The following TBC1D16 variants were observed in gnomAD, a reference collection of about 807,000 sequenced individuals.
The protein encoded by TBC1D16 is CTD-2529O21.1.
Under a neutral mutation model 74.7 loss-of-function variants are expected in TBC1D16, and 58 were observed. The observed-to-expected ratio is 0.78, with a 90% CI of 0.63 to 0.97. The LOEUF (loss-of-function observed/expected upper bound fraction) is 0.97. Ranked by LOEUF, TBC1D16 falls within the 50% of genes least tolerant of loss-of-function variation. The pLI, the probability that TBC1D16 is intolerant of heterozygous loss-of-function variation, is 0.00. For synonymous variants in TBC1D16, 493 were observed against 474.7 expected, an observed-to-expected ratio of 1.04 and a Z score of -0.50; for missense variants, 1,014 against 1,079.5, an observed-to-expected ratio of 0.94 and a Z score of 0.85.
chr17:79,940,649 C>T lies in TBC1D16; in HGVS notation c.*210G>A, dbSNP rs577210601. The T allele has an allele frequency of 7.4e-6, 4 of 542,122 alleles. No individual in the cohort carries two copies. In the East Asian group the frequency reaches 1.0e-4, roughly 14 times the overall value. 33.6% of individuals were successfully genotyped at this position (542,122 alleles called of 1,614,324 possible). On this transcript the variant is annotated 3_prime_UTR_variant, in exon 12 of 12. Transcript: ENST00000310924. This position sits in a 1 kb window ranked among gnomAD's most constrained non-coding sequence, Gnocchi z 5.4. Reference sequence around the variant, plus strand: ...TCCACTGCAGCGTTTCAGGAGCTGACTTTCCTCTGGGTGGCTGTAGATCTG... The same window carrying T: ...TCCACTGCAGCGTTTCAGGAGCTGATTTTCCTCTGGGTGGCTGTAGATCTG...
intron 3 of TBC1D16, among the ~76,000 whole-genome samples, chr17:79,963,050 C>CA (rs563226514): frequency 0.3 from 35,658 of 120,070 alleles, 4,743 homozygotes; most frequent in Non-Finnish European, 0.35. Flanking sequence ...AACTCCATCT[C>CA]AAAAAAAAAA....
In TBC1D16 at chr17:79,938,000, T is replaced by C. The variant is rs2031728969; in HGVS notation, c.*2859A>G. 1 of 152,232 alleles carries C rather than the reference T, an allele frequency of 6.6e-6. No individual in the cohort carries two copies. The highest frequency in any genetic ancestry group is 2.4e-5 in the African/African-American group (1 of 41,464). The allele number at this position is 152,232 out of a possible 1,614,324, so 9.4% of individuals were successfully genotyped here. ...TAAAAAATGGGTTAAATAAGCAGCA[T>C]TGCTGAGGATGGCCGTGCAGGGCTG... On this transcript the variant is annotated 3_prime_UTR_variant, in exon 12 of 12. Transcript: ENST00000310924.
At position 79,979,212 on chromosome 17, in the gene TBC1D16, C is replaced by A. The variant is rs897882100; in HGVS notation, c.780-26394G>T. On this transcript the variant is annotated intron_variant, in intron 3 of 11. Coordinates refer to ENST00000310924, the MANE Select transcript of TBC1D16 (RefSeq NM_019020.4). This position sits in a 1 kb window ranked among gnomAD's most constrained non-coding sequence, Gnocchi z 4.8. ...TGGGCAGGGAAGGCCAGAGCACACA[C>A]GCTCCGGGGACGCACACCCACGCCT... Among the ~76,000 whole-genome samples, 1 of 152,054 alleles carries A rather than the reference C, an allele frequency of 6.6e-6. No homozygotes were observed. The highest frequency in any genetic ancestry group is 1.5e-5 in the Non-Finnish European group (1 of 68,010).
At chr17:80,005,603 C>T (rs1229350385) in intron 3 of TBC1D16, among the ~76,000 whole-genome samples, 3 of 152,194 alleles carry the variant, frequency 2.0e-5, no homozygotes, top group East Asian at 1.9e-4. Flanking sequence ...GGAGGCAGGA[C>T]GACGCATTGG....
chr17:79,983,496 A>G lies in TBC1D16; in HGVS notation c.779+26664T>C, dbSNP rs1256950943. Among the ~76,000 whole-genome samples the G allele has an allele frequency of 6.6e-6, 1 of 152,238 alleles. No homozygotes were observed. The highest frequency in any genetic ancestry group is 2.4e-5 in the African/African-American group (1 of 41,462). The stretch of plus-strand genomic sequence containing the variant: ...CAACCTGGGGAACAGCCATGGAGAC[A>G]GTGTCCCCCTATTGGAGTGAGCACC... On this transcript the variant is annotated intron_variant, in intron 3 of 11. Transcript: ENST00000310924. The surrounding 1 kb of genome is among the most constrained non-coding windows in gnomAD (Gnocchi z 5.6).
Position 79,960,779 on chromosome 17 carries a change from C to CAAAAAAAAAAA in TBC1D16, c.780-7972_780-7962dup, listed in dbSNP as rs746450905. Among the ~76,000 whole-genome samples, 102 of 33,942 alleles carry CAAAAAAAAAAA rather than the reference C, an allele frequency of 3.0e-3. 32 individuals carry two copies. Among genetic ancestry groups the CAAAAAAAAAAA allele is most frequent in the African/African-American group, 4.5e-3 (43 of 9,548 alleles). The allele number at this position is 33,942 out of a possible 152,430, so 22.3% of individuals were successfully genotyped here. ...CAAAAAAACCCAAAAAACAAAAACC[C>CAAAAAAAAAAA]AAAAAAAAAAAAAAAAAAAAAAAAA... On this transcript the variant is annotated intron_variant, in intron 3 of 11. Transcript: ENST00000310924.
At chr17:79,972,041 C>T (rs2034131428) in intron 3 of TBC1D16, among the ~76,000 whole-genome samples, 1 of 152,184 alleles carries the variant, frequency 6.6e-6, no homozygotes, top group Non-Finnish European at 1.5e-5. Context: ...TATGTGTACC[C>T]CGTGTTCACA....
At chr17:79,968,291 C>A (rs1015484621) in intron 3 of TBC1D16, among the ~76,000 whole-genome samples, 1 of 152,250 alleles carries the variant, frequency 6.6e-6, no homozygotes, top group East Asian at 1.9e-4. Context: ...GAGGCATGAG[C>A]CGCTGCACCC....
chr17:80,021,599 T>C (rs995516774), intron 1 of TBC1D16, among the ~76,000 whole-genome samples: 1 of 148,152 alleles, frequency 6.7e-6, no homozygotes, highest in Non-Finnish European at 1.5e-5. Context: ...ACTCTTTATA[T>C]AGTAAAGATC....
intron 1 of TBC1D16, among the ~76,000 whole-genome samples, chr17:80,015,446 T>A (rs949396410): frequency 1.3e-5 from 2 of 150,302 alleles, no homozygotes; most frequent in African/African-American, 4.9e-5. Context: ...AAAAATAAAA[T>A]AAATAAAAAA....
Position 79,979,217 on chromosome 17 carries a change from C to T in TBC1D16, c.780-26399G>A, listed in dbSNP as rs1301678203. ...AGGGAAGGCCAGAGCACACACGCTC[C>T]GGGGACGCACACCCACGCCTAGAGC... On this transcript the variant is annotated intron_variant, in intron 3 of 11. Coordinates refer to ENST00000310924, the MANE Select transcript of TBC1D16 (RefSeq NM_019020.4). This position sits in a 1 kb window ranked among gnomAD's most constrained non-coding sequence, Gnocchi z 4.8. Among the ~76,000 whole-genome samples the T allele has an allele frequency of 6.6e-6, 1 of 151,896 alleles. No individual in the cohort carries two copies. Among genetic ancestry groups the T allele is most frequent in the Non-Finnish European group, 1.5e-5 (1 of 67,976 alleles).
chr17:80,001,841 C>T lies in TBC1D16; in HGVS notation c.779+8319G>A, dbSNP rs1316230387. 6.6e-6 allele frequency among the ~76,000 whole-genome samples: 1 copy of T among 151,722 alleles called. No individual in the cohort carries two copies. The highest frequency in any genetic ancestry group is 6.6e-5 in the Admixed American group (1 of 15,250). On this transcript the variant is annotated intron_variant, in intron 3 of 11. Coordinates refer to ENST00000310924, the MANE Select transcript of TBC1D16 (RefSeq NM_019020.4). The surrounding 1 kb of genome is among the most constrained non-coding windows in gnomAD (Gnocchi z 5.8). Reference sequence around the variant, plus strand: ...CCCTGGACCCTCTCACATGCCCTTCCCTCCACCCCCCGCCTCCTGCTCCCT... The same window carrying T: ...CCCTGGACCCTCTCACATGCCCTTCTCTCCACCCCCCGCCTCCTGCTCCCT...
Position 79,936,911 on chromosome 17 carries a change from T to C in TBC1D16, c.*3948A>G, listed in dbSNP as rs7502928. 8,818 of 93,302 alleles carry C rather than the reference T, an allele frequency of 0.095. 344 individuals are homozygous for C. Among genetic ancestry groups the C allele is most frequent in the South Asian group, 0.21 (607 of 2,890 alleles). 5.8% of individuals were successfully genotyped at this position (93,302 alleles called of 1,614,324 possible). A position where few individuals can be genotyped will look rare whatever the true frequency, so the allele number is the denominator to read the frequency against. ...GCATGCGTGCGTGTGTGCATGTGCG[T>C]GTGTGTGTGTGTGTGTGTGTGTGTG... On this transcript the variant is annotated 3_prime_UTR_variant, in exon 12 of 12. Transcript: ENST00000310924.
rs1477651839 is a variant in TBC1D16 at position 79,933,211 on chromosome 17, T to A, written c.*7648A>T. 1 of 151,944 alleles carries A rather than the reference T, an allele frequency of 6.6e-6. No homozygotes were observed. Among genetic ancestry groups the A allele is most frequent in the African/African-American group, 2.4e-5 (1 of 41,312 alleles). 9.4% of individuals were successfully genotyped at this position (151,944 alleles called of 1,614,324 possible). A position where few individuals can be genotyped will look rare whatever the true frequency, so the allele number is the denominator to read the frequency against. ...ATGGAAGTGGCCACAGGTCTGGACT[T>A]CTCTGGGTGGATGTGAGGGAGGGTG... On this transcript the variant is annotated 3_prime_UTR_variant, in exon 12 of 12. Transcript: ENST00000310924.
At chr17:80,002,915 G>A (rs1415621377) in intron 3 of TBC1D16, among the ~76,000 whole-genome samples, 1 of 152,130 alleles carries the variant, frequency 6.6e-6, no homozygotes, top group Non-Finnish European at 1.5e-5. Context: ...GCGCACGTAG[G>A]GAACACCACG....
At chr17:79,953,305 T>C (rs2033172552) in intron 3 of TBC1D16, among the ~76,000 whole-genome samples, 1 of 152,238 alleles carries the variant, frequency 6.6e-6, no homozygotes, top group African/African-American at 2.4e-5. Context: ...ACTGTATTCC[T>C]GAAAAGTACT....
chr17:79,984,582 A>AAG (rs2034741278), intron 3 of TBC1D16, among the ~76,000 whole-genome samples: 1 of 125,626 alleles, frequency 8.0e-6, no homozygotes, highest in Non-Finnish European at 1.9e-5. Context: ...GAAAGAAAGA[A>AAG]AAAGAAAGAA....
chr17:79,941,770 C>T lies in TBC1D16; in HGVS notation c.2055+290G>A, dbSNP rs191538881. On this transcript the variant is annotated intron_variant, in intron 11 of 11. Transcript: ENST00000310924. This position sits in a 1 kb window ranked among gnomAD's most constrained non-coding sequence, Gnocchi z 4.3. The stretch of plus-strand genomic sequence containing the variant: ...GGGAACCTGTCCTGTCCGTCAGCCC[C>T]GGTGAATTCGTTCCCTCCTCAGCCA... Among the ~76,000 whole-genome samples, 20 of 152,304 alleles carry T rather than the reference C, an allele frequency of 1.3e-4. No homozygotes were observed. Among genetic ancestry groups the T allele is most frequent in the South Asian group, 6.2e-4 (3 of 4,834 alleles).
Position 80,019,608 on chromosome 17 carries a change from T to G in TBC1D16, c.-62-5999A>C, listed in dbSNP as rs373204660. On this transcript the variant is annotated intron_variant, in intron 1 of 11. Transcript: ENST00000310924. ...GAGGCTATTTCATCGAAATCCAACC[T>G]AGTTCCCAACCTCTGGTCACCAGCA... Among the ~76,000 whole-genome samples, 49 of 150,114 alleles carry G rather than the reference T, an allele frequency of 3.3e-4. 2 individuals are homozygous for G. The South Asian group carries it at 5.7e-3, about 17-fold the overall frequency.
Sources: allele counts gnomAD v4.1 joint callset (sites outside exome capture counted in the v4.1 genomes callset), GRCh38; gene constraint gnomAD v4.1.1; non-coding constraint Gnocchi (gnomAD v3.1); transcripts MANE v1.5; gene names NCBI Gene and HGNC (gene_info 2026-07-23, HGNC 2026-07-21).